The following C10orf90 variants were observed in gnomAD, a reference collection of about 807,000 sequenced individuals.
C10orf90 encodes the protein chromosome 10 open reading frame 90.
C10orf90 carries 56 observed loss-of-function variants against 62.5 expected under a neutral mutation model. That is an observed-to-expected ratio of 0.90 (90% CI 0.72 to 1.12). The LOEUF (loss-of-function observed/expected upper bound fraction) is 1.12. C10orf90 is among the 50% of genes most tolerant of loss of function. The pLI is 0.00. For synonymous variants in C10orf90, 386 were observed against 340.4 expected (o/e 1.13, Z -1.47); for missense variants, 970 against 880.4 (o/e 1.10, Z -1.29).
intron 4 of C10orf90, among the ~76,000 whole-genome samples, chr10:126,498,519 C>T (rs1438205041): frequency 6.6e-6 from 1 of 152,172 alleles, no homozygotes; most frequent in Non-Finnish European, 1.5e-5. Flanking sequence ...TGACTTGTTT[C>T]AGAGCATTAT....
At chr10:126,554,374 A>G (rs1002059071) in intron 2 of C10orf90, among the ~76,000 whole-genome samples, 6 of 152,192 alleles carry the variant, frequency 3.9e-5, no homozygotes, top group Non-Finnish European at 7.3e-5. Flanking sequence ...AGCTGGAGAT[A>G]GTAGTTATGG....
intron 7 of C10orf90, among the ~76,000 whole-genome samples, chr10:126,437,515 GAA>G (rs1239932203): frequency 6.6e-6 from 1 of 152,142 alleles, no homozygotes; most frequent in Non-Finnish European, 1.5e-5. Context: ...GAGTGAGAAG[GAA>G]AAGAGTTAAA....
intron 2 of C10orf90, among the ~76,000 whole-genome samples, chr10:126,558,296 A>G (rs969728397): frequency 6.6e-5 from 10 of 152,234 alleles, no homozygotes; most frequent in Middle Eastern, 3.4e-3. Flanking sequence ...TACCTGATCA[A>G]ATCCCCTCCC....
chr10:126,579,307 C>T (rs1219201290), intron 2 of C10orf90, among the ~76,000 whole-genome samples: 13 of 148,696 alleles, frequency 8.7e-5, no homozygotes, highest in Non-Finnish European at 1.8e-4. Context: ...GAGTCTCACT[C>T]TTGGCTCACC....
chr10:126,425,912 A>T lies in C10orf90; in HGVS notation c.2353-10T>A, dbSNP rs1438203950. The stretch of plus-strand genomic sequence containing the variant: ...GCTGGTCCAGTAATTGCTAGAGGAA[A>T]AGGGAAACAAAGATGTCAAGTTGAG... On this transcript the variant is annotated splice_polypyrimidine_tract_variant and intron_variant, in intron 9 of 9. Coordinates refer to ENST00000488181, the MANE Select transcript of C10orf90 (RefSeq NM_001350921.2). 1.4e-5 allele frequency: 22 copies of T among 1,614,036 alleles called. No homozygotes were observed. The highest frequency in any genetic ancestry group is 1.9e-5 in the Non-Finnish European group (22 of 1,180,016).
chr10:126,618,456 G>A (rs1471362482), intron 2 of C10orf90, among the ~76,000 whole-genome samples: 2 of 152,142 alleles, frequency 1.3e-5, no homozygotes, highest in African/African-American at 4.8e-5. Context: ...TTCTCAAGAA[G>A]TCCTTCTTTC....
At chr10:126,669,558 C>G (rs979149120) in intron 1 of C10orf90, among the ~76,000 whole-genome samples, 2 of 152,316 alleles carry the variant, frequency 1.3e-5, no homozygotes, top group East Asian at 3.9e-4. Context: ...GTACAATAAA[C>G]AGCCGATCAG....
chr10:126,616,168 A>G (rs1038537675), intron 2 of C10orf90, among the ~76,000 whole-genome samples: 1 of 151,430 alleles, frequency 6.6e-6, no homozygotes, highest in African/African-American at 2.4e-5. Context: ...TGAGTCTTTT[A>G]TCTGTTCTAG....
At position 126,464,795 on chromosome 10, in the gene C10orf90, G is replaced by A; in HGVS notation, c.1726C>T (p.Pro576Ser). ...AGAAACCCAGGAAAAAGGATTCTGG[G>A]TTTCAGGAAGCTTTGATGTCGTCTC... ...TERRHQSFLK[P>S]RILFPGFLCP... Residue 576 changes from proline to serine, a missense_variant, in exon 5 of 10, where the codon CCC becomes TCC. Coordinates refer to ENST00000488181, the MANE Select transcript of C10orf90 (RefSeq NM_001350921.2). The A allele has an allele frequency of 6.2e-7, 1 of 1,614,080 alleles. No individual in the cohort carries two copies. The highest frequency in any genetic ancestry group is 8.5e-7 in the Non-Finnish European group (1 of 1,180,014).
At position 126,464,434 on chromosome 10, in the gene C10orf90, T is replaced by C. The variant is rs80104577; in HGVS notation, c.1825+262A>G. Among the ~76,000 whole-genome samples the C allele has an allele frequency of 9.4e-4, 143 of 152,310 alleles. No homozygotes were observed. In the East Asian group the frequency reaches 0.024, roughly 26 times the overall value. ...CCTGAGAATCTGCTGTGCACCTGGG[T>C]GTGGTCTTCTCTCAGCCTCAAGGGA... On this transcript the variant is annotated intron_variant, in intron 5 of 9. Transcript: ENST00000488181.
intron 4 of C10orf90, among the ~76,000 whole-genome samples, chr10:126,490,932 T>C (rs2133837641): frequency 6.6e-6 from 1 of 152,222 alleles, no homozygotes; most frequent in Non-Finnish European, 1.5e-5. Flanking sequence ...TAGAAAATCC[T>C]AAGGAATCTA....
chr10:126,517,018 G>T (rs1477257642), intron 2 of C10orf90, among the ~76,000 whole-genome samples: 1 of 146,852 alleles, frequency 6.8e-6, no homozygotes, highest in African/African-American at 2.5e-5. Flanking sequence ...CCATCTCAAG[G>T]TTATTAACTA....
chr10:126,579,014 A>G (rs1423634619), intron 2 of C10orf90, among the ~76,000 whole-genome samples: 1 of 152,046 alleles, frequency 6.6e-6, no homozygotes, highest in Non-Finnish European at 1.5e-5. Context: ...GAGACTGTAC[A>G]CTTGTAAAAT....
At chr10:126,572,369 A>G (rs1844524639) in intron 2 of C10orf90, among the ~76,000 whole-genome samples, 1 of 152,148 alleles carries the variant, frequency 6.6e-6, no homozygotes, top group African/African-American at 2.4e-5. Context: ...AAGTGAAAGC[A>G]AGTTTATTAA....
chr10:126,634,313 G>A (rs919727768), intron 2 of C10orf90, among the ~76,000 whole-genome samples: 3 of 152,118 alleles, frequency 2.0e-5, no homozygotes, highest in Admixed American at 6.6e-5. Flanking sequence ...AGGAAATCCC[G>A]TTACAACATG....
intron 7 of C10orf90, among the ~76,000 whole-genome samples, chr10:126,432,800 C>T (rs1459104398): frequency 4.6e-5 from 7 of 152,226 alleles, no homozygotes; most frequent in African/African-American, 1.4e-4. Context: ...GCATTGGAAT[C>T]TCAACCAAAG....
chr10:126,651,907 G>T (rs145586873), intron 1 of C10orf90, among the ~76,000 whole-genome samples: 1 of 152,152 alleles, frequency 6.6e-6, no homozygotes, highest in African/African-American at 2.4e-5. Flanking sequence ...CTCCTCCAAG[G>T]GATGTAGGAG....
intron 2 of C10orf90, among the ~76,000 whole-genome samples, chr10:126,532,737 T>C (rs1265718477): frequency 6.9e-6 from 1 of 145,204 alleles, no homozygotes; most frequent in South Asian, 2.2e-4. Context: ...CTCCGGAGGG[T>C]GAGGCAGGAG....
At chr10:126,457,066 C>T (rs1859632834) in intron 7 of C10orf90, among the ~76,000 whole-genome samples, 1 of 152,192 alleles carries the variant, frequency 6.6e-6, no homozygotes, top group African/African-American at 2.4e-5. Context: ...TGGCTCACTG[C>T]AGCCATGACC....
Sources: gnomAD v4.1 joint callset for allele counts (sites outside exome capture counted in the v4.1 genomes callset) on GRCh38, gnomAD v4.1.1 for gene constraint, MANE v1.5 for transcripts, NCBI Gene and HGNC (gene_info 2026-07-23, HGNC 2026-07-21) for gene names.